The following C12orf57 variants were observed in gnomAD, a reference collection of about 807,000 sequenced individuals.
C12orf57 encodes the protein chromosome 12 open reading frame 57.
A neutral mutation model predicts 11.3 loss-of-function variants in C12orf57; 14 were observed. The ratio of observed to expected loss-of-function variants is 1.24; its 90% confidence interval spans 0.82 to 1.94. C12orf57 has a LOEUF of 1.94. Ranked by LOEUF, C12orf57 falls within the 30% of genes most tolerant of loss-of-function variation. The pLI is 0.00. For synonymous variants in C12orf57, 100 were observed against 74.6 expected (o/e 1.34, Z -1.76); for missense variants, 229 against 172.4 (o/e 1.33, Z -1.84).
At chr12:6,943,864 T>TA, upstream of C12orf57, 1 of 937,258 alleles carries the variant, frequency 1.1e-6, no homozygotes, top group Non-Finnish European at 1.5e-6. Flanking sequence ...TCTGGCTTTT[T>TA]ACCGGAAAGC....
upstream of C12orf57, chr12:6,943,858 GC>G (rs1229734645): frequency 8.3e-5 from 78 of 940,570 alleles, no homozygotes; most frequent in Middle Eastern, 3.5e-4. Context: ...AGGCTTTCTG[GC>G]TTTTTACCGG....
chr12:6,944,212 G>A lies in C12orf57; in HGVS notation c.52+39G>A, dbSNP rs782235961. The A allele has an allele frequency of 1.9e-6, 3 of 1,565,770 alleles. No individual in the cohort carries two copies. The South Asian group carries it at 3.4e-5, about 18-fold the overall frequency. On this transcript the variant is annotated intron_variant, in intron 1 of 2. Transcript: ENST00000229281. ...TAGTCAAGGCATAGGCTGCTGGCCTGGGGTAGTCAAGGCATGGGCTGCTGG... is the reference window on the plus strand; with the variant it reads ...TAGTCAAGGCATAGGCTGCTGGCCTAGGGTAGTCAAGGCATGGGCTGCTGG...
At chr12:6,943,710 G>A (rs143102481), upstream of C12orf57, 1,151 of 1,277,904 alleles carry the variant, frequency 9.0e-4, 9 homozygotes, top group South Asian at 0.011. Context: ...TACCACATGC[G>A]TCGTTGTTTA....
At chr12:6,943,963 C>CTTGGGGTATGAAGGT (rs1555145621), upstream of C12orf57, 119 of 1,539,918 alleles carry the variant, frequency 7.7e-5, no homozygotes, top group Non-Finnish European at 9.7e-5. Context: ...CAGTTGTAAG[C>CTTGGGGTATGAAGGT]TTGGGGTATG....
At chr12:6,944,361 C>T (rs1555145930) in intron 1 of C12orf57, 115 bp from the exon 2 acceptor site, 12 of 1,553,824 alleles carry the variant, frequency 7.7e-6, no homozygotes, top group African/African-American at 1.4e-5. Context: ...GACTTGGGAT[C>T]TTATTGGGTT....
chr12:6,945,936 C>G lies in C12orf57; in HGVS notation c.*14C>G, dbSNP rs782509673. 1 of 1,606,898 alleles carries G rather than the reference C, an allele frequency of 6.2e-7. No homozygotes were observed. The highest frequency in any genetic ancestry group is 1.1e-5 in the South Asian group (1 of 90,390). ...GCCGCCTCCTGAGAGTTGGCCCTCC[C>G]TTGTGCCACTGCCAGGGGAGGAAAG... is the stretch of plus-strand genomic sequence containing the variant. On this transcript the variant is annotated 3_prime_UTR_variant, in exon 3 of 3. Coordinates refer to ENST00000229281, the MANE Select transcript of C12orf57 (RefSeq NM_138425.4).
At chr12:6,944,739 G>A (rs1555146142) in intron 2 of C12orf57, 87 bp downstream of exon 2, 1 of 1,581,782 alleles carries the variant, frequency 6.3e-7, no homozygotes, top group Non-Finnish European at 8.6e-7. Flanking sequence ...CCCATGAGCG[G>A]TTGTCCCCTT....
upstream of C12orf57, chr12:6,943,856 T>G (rs782444004): frequency 4.3e-5 from 40 of 932,280 alleles, no homozygotes; most frequent in African/African-American, 1.2e-4. Context: ...GTAGGCTTTC[T>G]GGCTTTTTAC....
At position 6,944,067 on chromosome 12, in the gene C12orf57, C is replaced by A. The variant is rs782499336; in HGVS notation, c.-55C>A. ...TTGGGAACGGTTGTAGGACGTGGCTCTTTATTCGTGAGTTTTCCATTTACC... is the reference window on the plus strand; with the variant it reads ...TTGGGAACGGTTGTAGGACGTGGCTATTTATTCGTGAGTTTTCCATTTACC... On this transcript the variant is annotated 5_prime_UTR_variant, in exon 1 of 3. Transcript: ENST00000229281. 6 of 1,613,336 alleles carry A rather than the reference C, an allele frequency of 3.7e-6. No homozygotes were observed. Among genetic ancestry groups the A allele is most frequent in the Non-Finnish European group, 5.1e-6 (6 of 1,179,882 alleles).
intron 1 of C12orf57, 28 bp from the exon 2 acceptor site, chr12:6,944,448 G>T (rs1555145966): frequency 6.2e-7 from 1 of 1,605,500 alleles, no homozygotes; most frequent in East Asian, 2.2e-5. Flanking sequence ...TACCCGGGAC[G>T]CCTCCCTGGG....
Position 6,945,942 on chromosome 12 carries a change from C to G in C12orf57, c.*20C>G. Reference sequence around the variant, plus strand: ...TCCTGAGAGTTGGCCCTCCCTTGTGCCACTGCCAGGGGAGGAAAGGCCTTG... The same window carrying G: ...TCCTGAGAGTTGGCCCTCCCTTGTGGCACTGCCAGGGGAGGAAAGGCCTTG... On this transcript the variant is annotated 3_prime_UTR_variant, in exon 3 of 3. Coordinates refer to ENST00000229281, the MANE Select transcript of C12orf57 (RefSeq NM_138425.4). The G allele has an allele frequency of 6.2e-7, 1 of 1,604,358 alleles. No individual in the cohort carries two copies. The highest frequency in any genetic ancestry group is 1.3e-5 in the African/African-American group (1 of 74,914).
At chr12:6,943,938 TTG>T (rs1222449769), upstream of C12orf57, 3 of 1,404,790 alleles carry the variant, frequency 2.1e-6, no homozygotes, top group East Asian at 7.2e-5. Context: ...ATGGGTAGTT[TTG>T]GTGGTCTTGA....
At chr12:6,943,491 TA>T, upstream of C12orf57, 1 of 1,273,166 alleles carries the variant, frequency 7.9e-7, no homozygotes, top group Non-Finnish European at 1.0e-6. Flanking sequence ...ACAAGGCCTT[TA>T]GGAAACTGCG....
chr12:6,945,629 A>C (rs1945785089), intron 2 of C12orf57, 142 bp from the exon 3 acceptor site: 2 of 830,530 alleles, frequency 2.4e-6, no homozygotes, highest in Admixed American at 4.0e-5. Flanking sequence ...ACCACACGGG[A>C]CAGAGGCCTG....
chr12:6,944,769 C>A (rs1555146172), intron 2 of C12orf57, 117 bp downstream of exon 2: 1 of 1,547,652 alleles, frequency 6.5e-7, no homozygotes, highest in Admixed American at 1.9e-5. Flanking sequence ...ACGGCGGCAG[C>A]CACAATCTGA....
In C12orf57 at chr12:6,945,856, G is replaced by C; in HGVS notation, c.315G>C (p.Leu105=). The C allele has an allele frequency of 6.2e-7, 1 of 1,613,768 alleles. No homozygotes were observed. Among genetic ancestry groups the C allele is most frequent in the Non-Finnish European group, 8.5e-7 (1 of 1,179,886 alleles). The change falls in exon 3 of 3, where the codon CTG becomes CTC. Residue 105 remains leucine, a synonymous_variant. Transcript: ENST00000229281. ...GCCTGTCAGGCAAGCTGAAGGCGCT[G>C]TTTCTGCCGCCCATGACCCTGCCAC... ...IASLSGKLKA[L]FLPPMTLPPH...
intron 2 of C12orf57, 70 bp from the exon 3 acceptor site, chr12:6,945,701 C>A: frequency 1.3e-6 from 2 of 1,531,828 alleles, no homozygotes; most frequent in South Asian, 1.2e-5. Flanking sequence ...GCTTAGACTA[C>A]CACCCCCTCC....
upstream of C12orf57, chr12:6,943,639 G>A (rs1267086276): frequency 7.8e-7 from 1 of 1,288,602 alleles, no homozygotes; most frequent in Non-Finnish European, 1.0e-6. Context: ...AAATGTTCGC[G>A]AACTCTAGAA....
upstream of C12orf57, chr12:6,944,002 G>T: frequency 6.3e-7 from 1 of 1,591,150 alleles, no homozygotes; most frequent in South Asian, 1.1e-5. Context: ...GGGCGCTTCC[G>T]GCTGCGCCGG....
Sources: allele counts gnomAD v4.1 joint callset, GRCh38; gene constraint gnomAD v4.1.1; transcripts MANE v1.5; gene names NCBI Gene and HGNC (gene_info 2026-07-23, HGNC 2026-07-21).